The following FAM83B variants were observed in gnomAD, a reference collection of about 807,000 sequenced individuals.
FAM83B encodes the protein protein FAM83B.
A neutral mutation model predicts 38.8 loss-of-function variants in FAM83B; 26 were observed. That is an observed-to-expected ratio of 0.67 (90% CI 0.49 to 0.93). The LOEUF is 0.93. FAM83B is among the 40% of genes least tolerant of loss of function. The pLI, the probability that FAM83B is intolerant of heterozygous loss-of-function variation, is 0.00. For missense variants in FAM83B, 1,237 were observed against 1,197.3 expected (o/e 1.03, Z -0.49); for synonymous variants, 419 against 423.1 (o/e 0.99, Z 0.12).
At chr6:54,894,331 A>G (rs902063162) in intron 2 of FAM83B, among the ~76,000 whole-genome samples, 2 of 151,992 alleles carry the variant, frequency 1.3e-5, no homozygotes, top group Non-Finnish European at 1.5e-5. Flanking sequence ...TTTCCCTGAC[A>G]GAATTTGGTA....
chr6:54,858,992 C>G (rs1319012964), intron 1 of FAM83B, among the ~76,000 whole-genome samples: 1 of 152,086 alleles, frequency 6.6e-6, no homozygotes, highest in Non-Finnish European at 1.5e-5. Flanking sequence ...TTAACATAAG[C>G]AAATATATGT....
intron 1 of FAM83B, among the ~76,000 whole-genome samples, chr6:54,864,612 C>T (rs1771659014): frequency 6.6e-6 from 1 of 152,150 alleles, no homozygotes; most frequent in South Asian, 2.1e-4. Context: ...TCAAATTGCA[C>T]TTGACAGCTT....
At chr6:54,884,249 C>T (rs1286147536) in intron 2 of FAM83B, among the ~76,000 whole-genome samples, 3 of 140,956 alleles carry the variant, frequency 2.1e-5, no homozygotes, top group African/African-American at 8.2e-5. Context: ...TTGCAGTGAG[C>T]TGAGATCGCG....
intron 4 of FAM83B, among the ~76,000 whole-genome samples, chr6:54,932,739 G>C (rs1341547866): frequency 6.6e-6 from 1 of 151,966 alleles, no homozygotes; most frequent in Admixed American, 6.6e-5. Flanking sequence ...CTGGATTTTT[G>C]GTGTTTTCAG....
At chr6:54,874,951 C>T (rs575477316) in intron 2 of FAM83B, among the ~76,000 whole-genome samples, 1 of 152,092 alleles carries the variant, frequency 6.6e-6, no homozygotes, top group African/African-American at 2.4e-5. Context: ...AAATATTAAC[C>T]ATCAGTTGGC....
chr6:54,893,676 T>C (rs1772455376), intron 2 of FAM83B, among the ~76,000 whole-genome samples: 7 of 152,140 alleles, frequency 4.6e-5, no homozygotes, highest in African/African-American at 2.4e-5. Flanking sequence ...TAAATCTAAA[T>C]TCAGATACAT....
At position 54,942,139 on chromosome 6, in the gene FAM83B, A is replaced by G; in HGVS notation, c.*132A>G. The G allele has an allele frequency of 3.4e-6, 3 of 877,500 alleles. No homozygotes were observed. The highest frequency in any genetic ancestry group is 5.1e-6 in the Non-Finnish European group (3 of 592,364). The allele number at this position is 877,500 out of a possible 1,614,324, so 54.4% of individuals were successfully genotyped here. ...TGATGTATATGTTCACCAGTGTCCT[A>G]GTATAAAGTTATTTTTCTGTGTGAT... On this transcript the variant is annotated 3_prime_UTR_variant, in exon 5 of 5. Transcript: ENST00000306858.
chr6:54,905,233 G>A (rs1251315957), intron 2 of FAM83B, among the ~76,000 whole-genome samples: 2 of 152,170 alleles, frequency 1.3e-5, no homozygotes, highest in Non-Finnish European at 2.9e-5. Flanking sequence ...GAATAGCATA[G>A]CATAGTGGTA....
At chr6:54,931,524 AC>A (rs1773419365) in intron 4 of FAM83B, among the ~76,000 whole-genome samples, 2 of 150,084 alleles carry the variant, frequency 1.3e-5, no homozygotes, top group South Asian at 2.1e-4. Context: ...TGGTGAATTG[AC>A]CCCTTTTTTA....
chr6:54,905,544 A>T (rs58220815), intron 2 of FAM83B, among the ~76,000 whole-genome samples: 1,880 of 152,280 alleles, frequency 0.012, 39 homozygotes, highest in African/African-American at 0.042. Context: ...TTGGAATACA[A>T]TACATTATTA....
rs190903721 is a variant in FAM83B at position 54,927,830 on chromosome 6, C to G, written c.734+198C>G. Among the ~76,000 whole-genome samples the G allele has an allele frequency of 2.0e-5, 3 of 149,744 alleles. No individual in the cohort carries two copies. In the East Asian group the frequency reaches 6.0e-4, roughly 30 times the overall value. ...CACTAAAGAGCATTAAGATCTTATG[C>G]AAATCATATAACTTCCTTGAGCTTC... is the stretch of plus-strand genomic sequence containing the variant. On this transcript the variant is annotated intron_variant, in intron 4 of 4. Transcript: ENST00000306858.
intron 1 of FAM83B, among the ~76,000 whole-genome samples, chr6:54,861,105 G>T (rs182373489): frequency 6.6e-6 from 1 of 152,242 alleles, no homozygotes; most frequent in East Asian, 1.9e-4. Flanking sequence ...TTATTTTTTA[G>T]TAGTCTCTAG....
Position 54,940,244 on chromosome 6 carries a change from G to A in FAM83B, c.1273G>A (p.Val425Met). The change falls in exon 5 of 5, where the codon GTG (valine) becomes ATG (methionine). Residue 425 changes from valine to methionine, a missense_variant. Physicochemically the swap from Val to Met is conservative, Grantham distance 21. Transcript: ENST00000306858. ...GAAAAAGCCATCTGATAGTCTCAGT[G>A]TGGCGTCCTCATCACGGGAAGGCTA... Reference protein sequence around the residue: ...NWKKPSDSLSVASSSREGYVS... With the variant: ...NWKKPSDSLSMASSSREGYVS... 1 of 1,614,052 alleles carries A rather than the reference G, an allele frequency of 6.2e-7. No individual in the cohort carries two copies. The highest frequency in any genetic ancestry group is 1.1e-5 in the South Asian group (1 of 91,076).
At chr6:54,907,030 G>A (rs1772790563) in intron 2 of FAM83B, among the ~76,000 whole-genome samples, 1 of 152,114 alleles carries the variant, frequency 6.6e-6, no homozygotes, top group Non-Finnish European at 1.5e-5. Context: ...TGTTAAGGGT[G>A]AACAGTAGCA....
chr6:54,918,697 T>C (rs895179828), intron 2 of FAM83B, among the ~76,000 whole-genome samples: 1 of 152,128 alleles, frequency 6.6e-6, no homozygotes, highest in African/African-American at 2.4e-5. Context: ...TTATGGGAAC[T>C]ACAATTCAAG....
At chr6:54,917,669 C>T (rs1355576286) in intron 2 of FAM83B, among the ~76,000 whole-genome samples, 2 of 151,990 alleles carry the variant, frequency 1.3e-5, no homozygotes, top group African/African-American at 4.8e-5. Context: ...GTCATTTTCT[C>T]CATAATAAGT....
chr6:54,921,221 TTTTCTTTCTCTGAATTACCA>T (rs1465475921), intron 2 of FAM83B, among the ~76,000 whole-genome samples: 1 of 151,968 alleles, frequency 6.6e-6, no homozygotes, highest in Non-Finnish European at 1.5e-5. Flanking sequence ...GATTATTGTT[TTTTCTTTCTCTGAATTACCA>T]TTCCCGTGTA....
chr6:54,922,385 T>G (rs947604489), intron 2 of FAM83B, among the ~76,000 whole-genome samples: 4 of 152,064 alleles, frequency 2.6e-5, no homozygotes, highest in African/African-American at 4.8e-5. Flanking sequence ...TTTTTATAAG[T>G]TATTTTATAA....
chr6:54,914,809 G>A (rs1664808536), intron 2 of FAM83B, among the ~76,000 whole-genome samples: 1 of 152,034 alleles, frequency 6.6e-6, no homozygotes. Flanking sequence ...TGCACCCAGA[G>A]GAAAACTTTA....
Sources: allele counts gnomAD v4.1 joint callset (sites outside exome capture counted in the v4.1 genomes callset), GRCh38; gene constraint gnomAD v4.1.1; transcripts MANE v1.5; gene names NCBI Gene and HGNC (gene_info 2026-07-23, HGNC 2026-07-21).